PRR5: variants seen among roughly 807,000 people sequenced by gnomAD.
The protein encoded by PRR5 is proline-rich protein 5.
A neutral mutation model predicts 30.6 loss-of-function variants in PRR5; 25 were observed. The ratio of observed to expected loss-of-function variants is 0.82; its 90% confidence interval spans 0.60 to 1.14. The LOEUF (loss-of-function observed/expected upper bound fraction) is 1.14. Among genes scored for constraint, PRR5 ranks in the 50% most tolerant of loss-of-function variants. PRR5 has a pLI of 0.00. For synonymous variants in PRR5, 286 were observed against 247.1 expected (o/e 1.16, Z -1.48); for missense variants, 600 against 547.1 (o/e 1.10, Z -0.96).
chr22:44,716,227 C>T (rs959902129), intron 2 of PRR5, among the ~76,000 whole-genome samples: 3 of 152,206 alleles, frequency 2.0e-5, no homozygotes, highest in Admixed American at 1.3e-4. Context: ...GGGTAAAAAT[C>T]GGGGGCTGTG....
At chr22:44,670,618 G>A (rs892095049) in intron 1 of PRR5, among the ~76,000 whole-genome samples, 3 of 152,254 alleles carry the variant, frequency 2.0e-5, no homozygotes, top group African/African-American at 7.2e-5. Flanking sequence ...TAACTGGGTG[G>A]CGATGGGGAT....
intron 1 of PRR5, among the ~76,000 whole-genome samples, chr22:44,709,759 G>C (rs1927862700): frequency 1.3e-5 from 2 of 152,198 alleles, no homozygotes; most frequent in Admixed American, 6.5e-5. Flanking sequence ...GGCTGAGGCA[G>C]GAGAATCGCT....
intron 1 of PRR5, chr22:44,679,912 G>A (rs1245295944): frequency 3.1e-5 from 48 of 1,554,790 alleles, no homozygotes; most frequent in Middle Eastern, 1.9e-4. Context: ...GGGTGGCTAC[G>A]AGGGAGGCAG....
intron 4 of PRR5, chr22:44,730,444 C>T (rs1252459416): frequency 2.0e-6 from 2 of 985,254 alleles, no homozygotes; most frequent in African/African-American, 3.5e-5. Context: ...GCAGAAAGGC[C>T]AAGGGTTCTT....
rs893493030 is a variant in PRR5, at chr22:44,691,466, C to T, written c.-10-11026C>T. On this transcript the variant is annotated intron_variant, in intron 1 of 8. Transcript: ENST00000006251. This position sits in a 1 kb window ranked among gnomAD's most constrained non-coding sequence, Gnocchi z 4.4. ...GCCCCTGGCACGCCTGGAGCTGACT[C>T]CTCCTGCCCCTGTGAAGAGTTGGGG... Among the ~76,000 whole-genome samples the T allele has an allele frequency of 2.6e-5, 4 of 152,142 alleles. No individual in the cohort carries two copies. Among genetic ancestry groups the T allele is most frequent in the Admixed American group, 2.0e-4 (3 of 15,282 alleles).
At position 44,681,884 on chromosome 22, in the gene PRR5, A is replaced by C. The variant is rs1031017184; in HGVS notation, c.-11+4644A>C. The stretch of plus-strand genomic sequence containing the variant: ...TCCCTGTGGCCACAGCCTGGAGGGC[A>C]GGCAGGAGGAGGAAGCCCAGCCACA... On this transcript the variant is annotated intron_variant, in intron 1 of 8. Transcript: ENST00000006251. 8.5e-5 allele frequency among the ~76,000 whole-genome samples: 13 copies of C among 152,324 alleles called. 1 individual carries two copies. The South Asian group carries it at 2.5e-3, about 29-fold the overall frequency.
rs375630451 is a variant in PRR5 at position 44,702,510 on chromosome 22, G to T, written c.36G>T (p.Ser12=). The T allele has an allele frequency of 4.8e-6, 7 of 1,469,928 alleles. No individual in the cohort carries two copies. The highest frequency in any genetic ancestry group is 6.3e-6 in the Non-Finnish European group (7 of 1,108,882). 91.1% of individuals were successfully genotyped at this position (1,469,928 alleles called of 1,614,324 possible). The change falls in exon 1 of 8, where the codon TCG becomes TCT. Residue 12 remains serine, a synonymous_variant. Coordinates refer to ENST00000336985, the MANE Select transcript of PRR5 (RefSeq NM_181333.4). The part of the protein sequence containing the change: ...RTLRRLKFMS[S]PSLSDLGKRE... ...TCCGCAGGTTGAAGTTCATGAGTTC[G>T]CCCAGCCTCAGTGACCTGGGCAAGA...
chr22:44,683,190 A>T (rs1052739645), intron 1 of PRR5, among the ~76,000 whole-genome samples: 1 of 152,206 alleles, frequency 6.6e-6, no homozygotes, highest in African/African-American at 2.4e-5. Context: ...GCTGCCTGCA[A>T]GAAGCTGGGA....
At chr22:44,726,671 G>C in intron 4 of PRR5, 37 bp downstream of exon 4, 1 of 1,613,710 alleles carries the variant, frequency 6.2e-7, no homozygotes, top group Non-Finnish European at 8.5e-7. Flanking sequence ...TCTGGGCCAT[G>C]CTGGGTCCTG....
intron 1 of PRR5, among the ~76,000 whole-genome samples, chr22:44,707,727 A>AC (rs1350899408): frequency 6.6e-6 from 1 of 152,058 alleles, no homozygotes; most frequent in Non-Finnish European, 1.5e-5. Context: ...CACTGCAGAG[A>AC]CCCCAGCTGG....
At position 44,735,422 on chromosome 22, in the gene PRR5, C is replaced by T. The variant is rs185934542; in HGVS notation, c.691+260C>T. On this transcript the variant is annotated intron_variant, in intron 7 of 7. Transcript: ENST00000336985. The stretch of plus-strand genomic sequence containing the variant: ...TCCGTGTTCCCCAGGAGGCCACATT[C>T]ATGTGCAGTCTTGAAAGTCAGAAGT... Among the ~76,000 whole-genome samples the T allele has an allele frequency of 5.3e-5, 8 of 152,332 alleles. No homozygotes were observed. The East Asian group carries it at 1.5e-3, about 29-fold the overall frequency.
chr22:44,717,523 G>A (rs1353725613), intron 2 of PRR5, among the ~76,000 whole-genome samples: 1 of 151,934 alleles, frequency 6.6e-6, no homozygotes, highest in Non-Finnish European at 1.5e-5. Context: ...CAGCAAGAAG[G>A]CTTTAGCAGC....
upstream of PRR5, among the ~76,000 whole-genome samples, chr22:44,699,302 C>T (rs1176637680): frequency 6.6e-6 from 1 of 152,232 alleles, no homozygotes; most frequent in Admixed American, 6.5e-5. Context: ...GCTGGCCCCT[C>T]CTGCCAGCCA....
chr22:44,677,786 G>A (rs142712522), intron 1 of PRR5, among the ~76,000 whole-genome samples: 86 of 152,190 alleles, frequency 5.7e-4, no homozygotes, highest in African/African-American at 1.9e-3. Context: ...TCTGAGCCTC[G>A]GTCTCTAATT....
At chr22:44,669,449 G>A (rs1175868845) in intron 1 of PRR5, among the ~76,000 whole-genome samples, 1 of 152,176 alleles carries the variant, frequency 6.6e-6, no homozygotes, top group Non-Finnish European at 1.5e-5. Context: ...GAGACTCCAG[G>A]GCTGGAGCGC....
chr22:44,697,526 T>C (rs560933248), upstream of PRR5, among the ~76,000 whole-genome samples: 1 of 152,238 alleles, frequency 6.6e-6, no homozygotes. Flanking sequence ...CTGACCAGGC[T>C]GCTCCTCAGG....
chr22:44,682,918 C>G (rs1291463581), intron 1 of PRR5, among the ~76,000 whole-genome samples: 1 of 152,182 alleles, frequency 6.6e-6, no homozygotes, highest in African/African-American at 2.4e-5. Context: ...TGGGGCAGGG[C>G]TACAGAGAAG....
At chr22:44,716,111 C>T (rs943499734) in intron 2 of PRR5, among the ~76,000 whole-genome samples, 8 of 152,306 alleles carry the variant, frequency 5.3e-5, no homozygotes, top group Non-Finnish European at 4.4e-5. Flanking sequence ...AGGGCTGACA[C>T]AGAGCAGGCA....
chr22:44,685,422 G>GA (rs1341120275), intron 1 of PRR5, among the ~76,000 whole-genome samples: 1 of 152,242 alleles, frequency 6.6e-6, no homozygotes, highest in African/African-American at 2.4e-5. Flanking sequence ...TATTTAATCA[G>GA]AAAAATGTTT....
Sources: gnomAD v4.1 joint callset for allele counts (sites outside exome capture counted in the v4.1 genomes callset) on GRCh38, gnomAD v4.1.1 for gene constraint, Gnocchi (gnomAD v3.1) non-coding constraint, MANE v1.5 for transcripts, NCBI Gene and HGNC (gene_info 2026-07-23, HGNC 2026-07-21) for gene names.